Variants in MICAL3 observed in about 807,000 individuals in gnomAD.
The protein encoded by MICAL3 is [F-actin]-monooxygenase MICAL3.
Under a neutral mutation model 207.4 loss-of-function variants are expected in MICAL3, and 62 were observed. The observed-to-expected ratio is 0.30, with a 90% CI of 0.24 to 0.37. MICAL3 has a LOEUF of 0.37. MICAL3 is among the 10% of genes least tolerant of loss of function. The pLI is 1.00. For synonymous variants in MICAL3, 1,077 were observed against 1,069.3 expected (o/e 1.01, Z -0.14); for missense variants, 2,368 against 2,635.6 (o/e 0.90, Z 2.22).
chr22:17,791,987 C>T (rs966895174), intron 29 of MICAL3, among the ~76,000 whole-genome samples: 6 of 152,230 alleles, frequency 3.9e-5, no homozygotes, highest in African/African-American at 7.2e-5. Flanking sequence ...GAGGTGGCCA[C>T]GCCCTGCCCT....
At chr22:17,846,247 G>A (rs890436040) in intron 19 of MICAL3, among the ~76,000 whole-genome samples, 2 of 152,318 alleles carry the variant, frequency 1.3e-5, no homozygotes, top group South Asian at 4.1e-4. Flanking sequence ...ACAAGGACAC[G>A]GAAGCACACT....
intron 17 of MICAL3, among the ~76,000 whole-genome samples, chr22:17,866,620 G>GAATAGAATAA (rs1927158111): frequency 7.4e-6 from 1 of 135,838 alleles, no homozygotes; most frequent in Non-Finnish European, 1.6e-5. Flanking sequence ...GAACAGAATA[G>GAATAGAATAA]AATAGAATAG....
chr22:17,914,570 A>G (rs1425147059), intron 1 of MICAL3, among the ~76,000 whole-genome samples: 3 of 152,050 alleles, frequency 2.0e-5, no homozygotes, highest in Non-Finnish European at 1.5e-5. Context: ...GTCCCTAACC[A>G]CCCGAGAGCA....
intron 1 of MICAL3, among the ~76,000 whole-genome samples, chr22:17,910,822 G>A (rs1394231448): frequency 3.9e-5 from 6 of 152,140 alleles, no homozygotes; most frequent in Non-Finnish European, 2.9e-5. Flanking sequence ...TTCTGTTACC[G>A]CCCCCATTTC....
chr22:17,977,501 G>A (rs1935708900), intron 1 of MICAL3, among the ~76,000 whole-genome samples: 1 of 150,922 alleles, frequency 6.6e-6, no homozygotes. Context: ...ACCCTCAAAT[G>A]AGGTATCACT....
In MICAL3 at chr22:17,816,637, C is replaced by T. The variant is rs559262915; in HGVS notation, c.5445+53G>A. The T allele has an allele frequency of 7.1e-6, 10 of 1,407,944 alleles. No homozygotes were observed. In the Admixed American group the frequency reaches 1.6e-4, roughly 22 times the overall value. The allele number at this position is 1,407,944 out of a possible 1,614,324, so 87.2% of individuals were successfully genotyped here. On this transcript the variant is annotated intron_variant, in intron 27 of 31. Transcript: ENST00000441493. Reference sequence around the variant, plus strand: ...TCTCCTCTACCCCACCAAAGCCCAACAATGAACAGACAGGGCCCCAGGCCC... The same window carrying T: ...TCTCCTCTACCCCACCAAAGCCCAATAATGAACAGACAGGGCCCCAGGCCC...
chr22:17,913,563 A>T (rs4819649), intron 1 of MICAL3, among the ~76,000 whole-genome samples: 5 of 151,638 alleles, frequency 3.3e-5, no homozygotes, highest in Non-Finnish European at 7.4e-5. Flanking sequence ...TCTCATGACC[A>T]GCACTCTGCT....
chr22:17,945,764 T>C (rs1252832951), intron 1 of MICAL3, among the ~76,000 whole-genome samples: 1 of 151,886 alleles, frequency 6.6e-6, no homozygotes, highest in Non-Finnish European at 1.5e-5. Context: ...AGCCAAAGCT[T>C]CTCTTCTGCC....
intron 19 of MICAL3, among the ~76,000 whole-genome samples, chr22:17,848,877 G>C (rs755001679): frequency 1.2e-4 from 19 of 152,228 alleles, no homozygotes; most frequent in Non-Finnish European, 2.4e-4. Flanking sequence ...CTTAGAGGCT[G>C]CTTGATGGGG....
chr22:17,962,956 T>A (rs143624082), intron 1 of MICAL3, among the ~76,000 whole-genome samples: 1 of 152,132 alleles, frequency 6.6e-6, no homozygotes, highest in Non-Finnish European at 1.5e-5. Flanking sequence ...TCTCACTATG[T>A]TGCCCAGGCA....
At chr22:17,915,281 T>C (rs1932418568) in intron 1 of MICAL3, among the ~76,000 whole-genome samples, 2 of 152,164 alleles carry the variant, frequency 1.3e-5, no homozygotes, top group African/African-American at 4.8e-5. Flanking sequence ...AGGTGCTCAA[T>C]AAGGTTCTGC....
At chr22:17,821,768 C>G (rs1921677782) in intron 24 of MICAL3, among the ~76,000 whole-genome samples, 1 of 152,250 alleles carries the variant, frequency 6.6e-6, no homozygotes, top group African/African-American at 2.4e-5. Flanking sequence ...GCAGACTCTG[C>G]ACACAGAGCT....
Position 17,827,670 on chromosome 22 carries a change from G to T in MICAL3, c.3167C>A (p.Pro1056Gln). ...REREEEERMA[P>Q]ASESSASGAP... Reference sequence around the variant, plus strand: ...TCCGGAAGCAGAGGACTCAGAGGCCGGCGCCATCCTCTCTTCCTCCTCTCT... The same window carrying T: ...TCCGGAAGCAGAGGACTCAGAGGCCTGCGCCATCCTCTCTTCCTCCTCTCT... Residue 1056 changes from proline (P) to glutamine (Q), a missense_variant, in exon 22 of 32, where the codon CCG (proline) becomes CAG (glutamine). Coordinates refer to ENST00000441493, the MANE Select transcript of MICAL3 (RefSeq NM_015241.3). 1 of 1,577,422 alleles carries T rather than the reference G, an allele frequency of 6.3e-7. No individual in the cohort carries two copies. The highest frequency in any genetic ancestry group is 8.6e-7 in the Non-Finnish European group (1 of 1,162,014).
chr22:17,834,591 G>T, intron 20 of MICAL3: 2 of 1,122,442 alleles, frequency 1.8e-6, no homozygotes, highest in Admixed American at 4.6e-5. Flanking sequence ...AATAACAAAA[G>T]CTCCTTATTC....
At position 17,822,171 on chromosome 22, in the gene MICAL3, C is replaced by A; in HGVS notation, c.3308-1G>T. On this transcript the variant is annotated splice_acceptor_variant, in intron 23 of 31. Transcript: ENST00000441493. LOFTEE classifies it high-confidence loss of function. ...GACGGGCTGTCAGACCAGTGCTGAT[C>A]TGGCAGAGGGAAGGGGCAGAAGTGG... The A allele has an allele frequency of 6.2e-7, 1 of 1,613,296 alleles. No individual in the cohort carries two copies. The highest frequency in any genetic ancestry group is 8.5e-7 in the Non-Finnish European group (1 of 1,179,712).
rs1053772905 is a variant in MICAL3, at chr22:17,809,031, T to G, written c.5557-94A>C. On this transcript the variant is annotated intron_variant, in intron 28 of 31. Coordinates refer to ENST00000441493, the MANE Select transcript of MICAL3 (RefSeq NM_015241.3). Reference sequence around the variant, plus strand: ...ACCCACACGAGGGGAAACACAGGAGTTGCCGCTCTGGAAAGGGCTCTAGTC... The same window carrying G: ...ACCCACACGAGGGGAAACACAGGAGGTGCCGCTCTGGAAAGGGCTCTAGTC... 18 of 1,102,328 alleles carry G rather than the reference T, an allele frequency of 1.6e-5. No individual in the cohort carries two copies. The African/African-American group carries it at 2.2e-4, about 13-fold the overall frequency. 68.3% of individuals were successfully genotyped at this position (1,102,328 alleles called of 1,614,324 possible).
At chr22:17,862,481 C>T (rs571776177) in intron 19 of MICAL3, 100 of 629,164 alleles carry the variant, frequency 1.6e-4, no homozygotes, top group Admixed American at 1.2e-3. Context: ...AGGATGGTCT[C>T]GATCTCCTGA....
At position 17,827,393 on chromosome 22, in the gene MICAL3, G is replaced by T. The variant is rs571177023; in HGVS notation, c.3193+251C>A. Among the ~76,000 whole-genome samples the T allele has an allele frequency of 3.3e-5, 5 of 152,336 alleles. No homozygotes were observed. The South Asian group carries it at 8.3e-4, about 25-fold the overall frequency. ...GACAGAAAATTCTTGGTTTACCCAA[G>T]ATCAGGTTCATTTTACCATTTTGCA... On this transcript the variant is annotated intron_variant, in intron 22 of 31. Coordinates refer to ENST00000441493, the MANE Select transcript of MICAL3 (RefSeq NM_015241.3).
At chr22:17,939,157 C>T (rs951958986) in intron 1 of MICAL3, among the ~76,000 whole-genome samples, 2 of 152,186 alleles carry the variant, frequency 1.3e-5, no homozygotes, top group Non-Finnish European at 2.9e-5. Context: ...AGCTCCCTTG[C>T]CATGTGATCA....
Sources: allele counts gnomAD v4.1 joint callset (sites outside exome capture counted in the v4.1 genomes callset), GRCh38; gene constraint gnomAD v4.1.1; transcripts MANE v1.5; gene names NCBI Gene and HGNC (gene_info 2026-07-23, HGNC 2026-07-21).